ADD3: variants seen among roughly 807,000 people sequenced by gnomAD.
ADD3 encodes gamma-adducin.
ADD3 carries 25 observed loss-of-function variants against 80.2 expected under a neutral mutation model. The observed-to-expected ratio is 0.31, with a 90% CI of 0.23 to 0.44. ADD3 has a LOEUF of 0.44. Among genes scored for constraint, ADD3 ranks in the 20% least tolerant of loss-of-function variants. The pLI is 1.00. For missense variants in ADD3, 829 were observed against 847.5 expected, an observed-to-expected ratio of 0.98 and a Z score of 0.27; for synonymous variants, 284 against 289.6, an observed-to-expected ratio of 0.98 and a Z score of 0.20.
chr10:110,052,137 G>C (rs572104596), intron 1 of ADD3, among the ~76,000 whole-genome samples: 2 of 152,110 alleles, frequency 1.3e-5, no homozygotes, highest in South Asian at 4.2e-4. Flanking sequence ...TGTTTACTAT[G>C]TACAGGTATT....
intron 1 of ADD3, among the ~76,000 whole-genome samples, chr10:110,074,756 A>C (rs942511051): frequency 6.6e-6 from 1 of 152,226 alleles, no homozygotes; most frequent in African/African-American, 2.4e-5. Context: ...AAATATTTGA[A>C]ATAAAATTGG....
chr10:110,125,632 A>T (rs1483089198), intron 10 of ADD3, 194 bp from the exon 11 acceptor site: 4 of 369,318 alleles, frequency 1.1e-5, no homozygotes, highest in African/African-American at 2.1e-5. Context: ...AATGGCATTT[A>T]TTTTTTAAGT....
chr10:110,078,330 G>A (rs560983787), intron 1 of ADD3, among the ~76,000 whole-genome samples: 1 of 152,186 alleles, frequency 6.6e-6, no homozygotes, highest in African/African-American at 2.4e-5. Context: ...AATTTTCTTT[G>A]TAAAGACACA....
intron 1 of ADD3, among the ~76,000 whole-genome samples, chr10:110,063,750 T>TATATATATA (rs1564913964): frequency 2.2e-5 from 1 of 45,838 alleles, no homozygotes; most frequent in African/African-American, 7.7e-5. Flanking sequence ...TATATATATA[T>TATATATATA]ATATATATAT....
chr10:110,057,175 A>G (rs1289297293), intron 1 of ADD3, among the ~76,000 whole-genome samples: 1 of 152,014 alleles, frequency 6.6e-6, no homozygotes, highest in African/African-American at 2.4e-5. Context: ...CCCTTTCTCT[A>G]CCCGACTCTG....
chr10:110,131,462 G>GA (rs1486354900), intron 13 of ADD3, among the ~76,000 whole-genome samples: 8 of 152,168 alleles, frequency 5.3e-5, no homozygotes, highest in African/African-American at 1.7e-4. Flanking sequence ...AGAGGGTAAG[G>GA]AGCCTCTGCT....
upstream of ADD3, among the ~76,000 whole-genome samples, chr10:110,004,233 G>T (rs1255184073): frequency 1.3e-5 from 2 of 151,504 alleles, no homozygotes; most frequent in Non-Finnish European, 2.9e-5. Context: ...CCTGTAGGAG[G>T]CATTAAAAAA....
intron 8 of ADD3, among the ~76,000 whole-genome samples, chr10:110,120,084 TTAA>T (rs1851269208): frequency 6.6e-6 from 1 of 152,052 alleles, no homozygotes; most frequent in African/African-American, 2.4e-5. Context: ...TCTTTTTTTT[TTAA>T]TTATACTTTA....
chr10:110,055,305 C>T (rs910362540), intron 1 of ADD3, among the ~76,000 whole-genome samples: 2 of 152,128 alleles, frequency 1.3e-5, no homozygotes, highest in African/African-American at 2.4e-5. Context: ...ACATAAGCCA[C>T]TCAGCTACTT....
intron 1 of ADD3, among the ~76,000 whole-genome samples, chr10:110,087,389 T>G (rs1846915736): frequency 6.6e-6 from 1 of 152,174 alleles, no homozygotes; most frequent in African/African-American, 2.4e-5. Flanking sequence ...TCCGTAGTAT[T>G]TTATGATTTA....
At chr10:110,000,213 C>T (rs1339888850) in intron 1 of ADD3, among the ~76,000 whole-genome samples, 1 of 152,228 alleles carries the variant, frequency 6.6e-6, no homozygotes, top group Non-Finnish European at 1.5e-5. Context: ...AGCCACCGCA[C>T]CTGGCGTCTT....
intron 1 of ADD3, among the ~76,000 whole-genome samples, chr10:110,095,982 G>A (rs941791092): frequency 1.3e-5 from 2 of 152,146 alleles, no homozygotes; most frequent in African/African-American, 4.8e-5. Context: ...CTATTAAAGG[G>A]CAGCATGCGG....
intron 1 of ADD3, among the ~76,000 whole-genome samples, chr10:110,093,316 C>T (rs74154975): frequency 6.6e-6 from 1 of 152,166 alleles, no homozygotes; most frequent in Non-Finnish European, 1.5e-5. Context: ...AGACCAATTT[C>T]TATTACCACT....
intron 1 of ADD3, among the ~76,000 whole-genome samples, chr10:110,096,531 G>T (rs752361492): frequency 2.2e-4 from 33 of 152,272 alleles, no homozygotes; most frequent in Non-Finnish European, 2.4e-4. Context: ...GATTCTGTAT[G>T]TTGACTGAGT....
At chr10:110,126,890 A>G (rs760751669) in intron 12 of ADD3, among the ~76,000 whole-genome samples, 3 of 152,204 alleles carry the variant, frequency 2.0e-5, no homozygotes, top group Non-Finnish European at 4.4e-5. Flanking sequence ...TTCTTGGTCT[A>G]TCAGTTTTAG....
chr10:110,072,098 G>C (rs141692201), intron 1 of ADD3, among the ~76,000 whole-genome samples: 1,620 of 152,302 alleles, frequency 0.011, 32 homozygotes, highest in African/African-American at 0.038. Flanking sequence ...GTCTCTCTCT[G>C]TCACCCAGGC....
chr10:110,130,547 C>T (rs746908862), intron 13 of ADD3, 61 bp downstream of exon 13: 217 of 1,561,966 alleles, frequency 1.4e-4, no homozygotes, highest in East Asian at 2.0e-4. Context: ...AAGTACCTCA[C>T]GTTGGATGAT....
intron 1 of ADD3, among the ~76,000 whole-genome samples, chr10:110,029,155 C>T (rs893848450): frequency 2.0e-5 from 3 of 152,142 alleles, no homozygotes; most frequent in African/African-American, 4.8e-5. Flanking sequence ...CTGAGATTAT[C>T]GGCGTGAGCC....
At position 109,997,180 on chromosome 10, in the gene ADD3, A is replaced by G. The variant is rs576554250; in HGVS notation, n.79+734A>G. ...GGTCTTCGTAGCAGTATCTAATCTC[A>G]TTTTCTTCTAGGACCTCCTTTAGGT... On this transcript the variant is annotated intron_variant and non_coding_transcript_variant, in intron 1 of 5. Coordinates refer to the ADD3 transcript ENST00000468251. Among the ~76,000 whole-genome samples the G allele has an allele frequency of 1.6e-4, 25 of 152,094 alleles. No individual in the cohort carries two copies. In the South Asian group the frequency reaches 5.0e-3, roughly 30 times the overall value.
Sources: allele counts gnomAD v4.1 joint callset (sites outside exome capture counted in the v4.1 genomes callset), GRCh38; gene constraint gnomAD v4.1.1; transcripts MANE v1.5; gene names NCBI Gene and HGNC (gene_info 2026-07-23, HGNC 2026-07-21).